The following SH3GL3 variants were observed in gnomAD, a reference collection of about 807,000 sequenced individuals.
SH3GL3 encodes the protein endophilin-A3.
Under a neutral mutation model 47.7 loss-of-function variants are expected in SH3GL3, and 33 were observed. That is an observed-to-expected ratio of 0.69 (90% CI 0.52 to 0.92). SH3GL3 has a LOEUF of 0.92. Among genes scored for constraint, SH3GL3 ranks in the 40% least tolerant of loss-of-function variants. SH3GL3 has a pLI of 0.00. For synonymous variants in SH3GL3, 155 were observed against 148.8 expected, an observed-to-expected ratio of 1.04 and a Z score of -0.30; for missense variants, 363 against 417.8, an observed-to-expected ratio of 0.87 and a Z score of 1.14.
intron 1 of SH3GL3, among the ~76,000 whole-genome samples, chr15:83,503,890 A>T (rs1299524498): frequency 1.3e-5 from 2 of 152,186 alleles, no homozygotes; most frequent in Admixed American, 1.3e-4. Flanking sequence ...GCATTTCCCC[A>T]TGTCTTTATT....
intron 1 of SH3GL3, among the ~76,000 whole-genome samples, chr15:83,555,796 G>T (rs1567333460): frequency 1.3e-5 from 2 of 152,162 alleles, no homozygotes; most frequent in Admixed American, 1.3e-4. Flanking sequence ...GCAGGAACCA[G>T]ACTGCTGGCT....
intron 6 of SH3GL3, among the ~76,000 whole-genome samples, chr15:83,583,136 T>C (rs1248056572): frequency 7.2e-5 from 11 of 152,228 alleles, no homozygotes; most frequent in Admixed American, 7.2e-4. Flanking sequence ...GAGAATGGCT[T>C]GTCGTCTTTT....
rs992906943 is a variant in SH3GL3, at chr15:83,455,121, A to C, written c.45+7543A>C. Among the ~76,000 whole-genome samples the C allele has an allele frequency of 3.1e-4, 17 of 54,262 alleles. 1 individual carries two copies. Among genetic ancestry groups the C allele is most frequent in the Non-Finnish European group, 6.1e-4 (17 of 27,940 alleles). The allele number at this position is 54,262 out of a possible 152,430, so 35.6% of individuals were successfully genotyped here. On this transcript the variant is annotated intron_variant, in intron 1 of 8. Transcript: ENST00000427482. ...GGGTTGAAAATTCTTTTCTTTAAGA[A>C]TGTTGAATATTGGCCCCCACTCTCT...
chr15:83,620,100 GC>G (rs1488591821), downstream of SH3GL3, among the ~76,000 whole-genome samples: 1 of 152,140 alleles, frequency 6.6e-6, no homozygotes, highest in African/African-American at 2.4e-5. Context: ...TTACGAGATT[GC>G]AGGAATTCAG....
chr15:83,623,321 G>T (rs2060920090), downstream of SH3GL3, among the ~76,000 whole-genome samples: 1 of 152,230 alleles, frequency 6.6e-6, no homozygotes, highest in African/African-American at 2.4e-5. Context: ...TGGTGATGTA[G>T]TCTGGGTAGC....
chr15:83,587,123 C>A, intron 7 of SH3GL3, 37 bp downstream of exon 7: 1 of 1,091,452 alleles, frequency 9.2e-7, no homozygotes, highest in Non-Finnish European at 1.4e-6. Flanking sequence ...CCAAGGGCTG[C>A]GGAGGTAACA....
intron 4 of SH3GL3, 151 bp downstream of exon 4, chr15:83,568,823 T>A: frequency 3.6e-6 from 2 of 556,562 alleles, no homozygotes; most frequent in Non-Finnish European, 3.1e-6. Flanking sequence ...AAAACATAGG[T>A]AAGTAAAATA....
At chr15:83,611,693 C>A (rs753495220) in intron 8 of SH3GL3, 1 of 152,336 alleles carries the variant, frequency 6.6e-6, no homozygotes, top group Non-Finnish European at 1.5e-5. Context: ...AGGGATGGGA[C>A]GCTGGGTAGG....
chr15:83,583,947 G>C, intron 6 of SH3GL3, among the ~76,000 whole-genome samples: 1 of 152,118 alleles, frequency 6.6e-6, no homozygotes, highest in Non-Finnish European at 1.5e-5. Context: ...TAATCTCATT[G>C]TTAGGTTTTT....
chr15:83,605,136 T>C (rs1474132385), intron 8 of SH3GL3, among the ~76,000 whole-genome samples: 1 of 152,224 alleles, frequency 6.6e-6, no homozygotes, highest in Non-Finnish European at 1.5e-5. Context: ...AGAAGCTGGC[T>C]TTTAAGAAGG....
At chr15:83,530,508 A>G (rs2043620141) in intron 1 of SH3GL3, among the ~76,000 whole-genome samples, 1 of 152,068 alleles carries the variant, frequency 6.6e-6, no homozygotes, top group Non-Finnish European at 1.5e-5. Context: ...GTTCTATTTG[A>G]AATGTGATTA....
chr15:83,502,856 C>T (rs2151610350), intron 1 of SH3GL3, among the ~76,000 whole-genome samples: 1 of 152,300 alleles, frequency 6.6e-6, no homozygotes, highest in Admixed American at 6.5e-5. Context: ...TTGGCCTAGC[C>T]ATCCTTTGGA....
chr15:83,473,982 T>C (rs74024687), intron 1 of SH3GL3, among the ~76,000 whole-genome samples: 24,560 of 151,646 alleles, frequency 0.16, 2,169 homozygotes, highest in Middle Eastern at 0.21. Flanking sequence ...GGTCCCAGGG[T>C]CCCAAGCTGG....
At chr15:83,537,231 A>T (rs1202311426) in intron 1 of SH3GL3, among the ~76,000 whole-genome samples, 1 of 151,928 alleles carries the variant, frequency 6.6e-6, no homozygotes, top group Non-Finnish European at 1.5e-5. Flanking sequence ...GTTGGGAAAG[A>T]TCTCTAGCTT....
chr15:83,526,269 G>T (rs973996722), intron 1 of SH3GL3, among the ~76,000 whole-genome samples: 1 of 152,156 alleles, frequency 6.6e-6, no homozygotes, highest in Non-Finnish European at 1.5e-5. Context: ...ATTCCTCAGA[G>T]AGCTAAAAAT....
At chr15:83,497,544 G>T (rs780692072) in intron 1 of SH3GL3, among the ~76,000 whole-genome samples, 6 of 151,974 alleles carry the variant, frequency 3.9e-5, no homozygotes, top group Non-Finnish European at 5.9e-5. Flanking sequence ...ATCCTCCTTT[G>T]TTCAGTCCCC....
intron 1 of SH3GL3, among the ~76,000 whole-genome samples, chr15:83,518,095 G>T (rs113856056): frequency 1.6e-4 from 24 of 152,222 alleles, no homozygotes; most frequent in African/African-American, 5.8e-4. Flanking sequence ...TCTTTTTATG[G>T]CTGCATAGTA....
intron 8 of SH3GL3, among the ~76,000 whole-genome samples, chr15:83,594,122 A>C (rs1437722362): frequency 6.6e-6 from 1 of 152,240 alleles, no homozygotes; most frequent in African/African-American, 2.4e-5. Context: ...CCTGGCCTTC[A>C]TAGATTTTAA....
At chr15:83,621,158 T>C (rs538148949), downstream of SH3GL3, among the ~76,000 whole-genome samples, 23 of 152,380 alleles carry the variant, frequency 1.5e-4, no homozygotes, top group African/African-American at 5.5e-4. Flanking sequence ...CACTTTCTTA[T>C]CATTCATGTA....
Sources: gnomAD v4.1 joint callset for allele counts (sites outside exome capture counted in the v4.1 genomes callset) on GRCh38, gnomAD v4.1.1 for gene constraint, MANE v1.5 for transcripts, NCBI Gene and HGNC (gene_info 2026-07-23, HGNC 2026-07-21) for gene names.